AHI1: variants seen among roughly 807,000 people sequenced by gnomAD.
AHI1 encodes the protein jouberin.
A neutral mutation model predicts 149.3 loss-of-function variants in AHI1; 123 were observed. The ratio of observed to expected loss-of-function variants is 0.82; its 90% CI spans 0.71 to 0.96. The LOEUF is 0.96. AHI1 is among the 40% of genes least tolerant of loss of function. The pLI, the probability that AHI1 is intolerant of heterozygous loss-of-function variation, is 0.00. For synonymous variants in AHI1, 475 were observed against 459.8 expected, an observed-to-expected ratio of 1.03 and a Z score of -0.42; for missense variants, 1,439 against 1,422.7, an observed-to-expected ratio of 1.01 and a Z score of -0.18.
intron 27 of AHI1, among the ~76,000 whole-genome samples, chr6:135,294,159 T>C (rs909200677): frequency 6.6e-6 from 1 of 151,994 alleles, no homozygotes; most frequent in Non-Finnish European, 1.5e-5. Flanking sequence ...ACCCCATCTC[T>C]ACTAAAAATA....
At chr6:135,478,181 A>C (rs1352067615) in intron 5 of AHI1, among the ~76,000 whole-genome samples, 1 of 152,192 alleles carries the variant, frequency 6.6e-6, no homozygotes, top group Non-Finnish European at 1.5e-5. Flanking sequence ...CTATAAAGAT[A>C]CCTGAAAATG....
intron 24 of AHI1, among the ~76,000 whole-genome samples, chr6:135,335,084 C>T (rs902805344): frequency 5.3e-5 from 8 of 152,136 alleles, no homozygotes; most frequent in South Asian, 2.1e-4. Context: ...AATATAAAGT[C>T]GAATCTTAGA....
At chr6:135,489,209 GAAAGA>G (rs1040308143) in intron 5 of AHI1, among the ~76,000 whole-genome samples, 2 of 152,072 alleles carry the variant, frequency 1.3e-5, no homozygotes, top group Non-Finnish European at 2.9e-5. Flanking sequence ...ACTTATTTCT[GAAAGA>G]AAAGAAGCCT....
At chr6:135,461,055 A>G (rs1020597929) in intron 8 of AHI1, among the ~76,000 whole-genome samples, 1 of 150,974 alleles carries the variant, frequency 6.6e-6, no homozygotes, top group African/African-American at 2.5e-5. Flanking sequence ...AAGGAAAAAA[A>G]TGGATAAACT....
chr6:135,364,056 G>A (rs1186654540), intron 23 of AHI1, among the ~76,000 whole-genome samples: 1 of 151,334 alleles, frequency 6.6e-6, no homozygotes, highest in Non-Finnish European at 1.5e-5. Context: ...CAGGGCGGCT[G>A]GCCGGGCGGG....
chr6:135,458,608 G>A (rs573473926), intron 8 of AHI1, among the ~76,000 whole-genome samples: 1 of 152,256 alleles, frequency 6.6e-6, no homozygotes, highest in Non-Finnish European at 1.5e-5. Context: ...TACCAATTCT[G>A]GTCACAGTTC....
intron 5 of AHI1, among the ~76,000 whole-genome samples, chr6:135,475,004 T>C (rs868535084): frequency 6.6e-6 from 1 of 152,330 alleles, no homozygotes; most frequent in South Asian, 2.1e-4. Context: ...CATCAAATGT[T>C]TGAGAAAAGT....
chr6:135,331,719 A>G (rs577260886), intron 24 of AHI1, among the ~76,000 whole-genome samples: 1 of 152,300 alleles, frequency 6.6e-6, no homozygotes, highest in South Asian at 2.1e-4. Context: ...GCACTGAATA[A>G]ATTCACACGC....
intron 7 of AHI1, among the ~76,000 whole-genome samples, chr6:135,464,307 C>T (rs966033615): frequency 3.3e-5 from 5 of 152,242 alleles, no homozygotes; most frequent in East Asian, 1.9e-4. Context: ...CTACCCTTTG[C>T]GTGCCACTGT....
intron 20 of AHI1, among the ~76,000 whole-genome samples, chr6:135,413,984 T>C (rs1281866876): frequency 6.6e-6 from 1 of 152,118 alleles, no homozygotes; most frequent in Admixed American, 6.6e-5. Flanking sequence ...TTTGGAGAAA[T>C]TGTAAAATAA....
chr6:135,393,428 C>A (rs1271661000), intron 23 of AHI1, among the ~76,000 whole-genome samples: 2 of 152,096 alleles, frequency 1.3e-5, no homozygotes, highest in African/African-American at 4.8e-5. Context: ...TGTTCCCAGA[C>A]AGCTGGTAGG....
chr6:135,421,318 T>C (rs1047122266), intron 20 of AHI1, among the ~76,000 whole-genome samples: 5 of 151,836 alleles, frequency 3.3e-5, no homozygotes, highest in Admixed American at 1.3e-4. Context: ...TGGCTTAACA[T>C]AGAATTGCCA....
At chr6:135,484,024 T>C (rs2128126277) in intron 5 of AHI1, among the ~76,000 whole-genome samples, 1 of 151,836 alleles carries the variant, frequency 6.6e-6, no homozygotes, top group Admixed American at 6.5e-5. Context: ...AAGTTCCACA[T>C]GGCTGTGGCC....
chr6:135,452,225 A>C (rs539641037), intron 11 of AHI1, among the ~76,000 whole-genome samples: 2 of 152,268 alleles, frequency 1.3e-5, no homozygotes, highest in African/African-American at 4.8e-5. Context: ...TTTATAGATC[A>C]TATTTGTTGA....
At chr6:135,374,527 A>C (rs1425208522) in intron 23 of AHI1, among the ~76,000 whole-genome samples, 1 of 152,166 alleles carries the variant, frequency 6.6e-6, no homozygotes, top group African/African-American at 2.4e-5. Context: ...ATATCTAGTA[A>C]GTCCAAAAGA....
chr6:135,424,559 A>C (rs542581516), intron 20 of AHI1, among the ~76,000 whole-genome samples: 1 of 152,048 alleles, frequency 6.6e-6, no homozygotes, highest in Non-Finnish European at 1.5e-5. Flanking sequence ...TTTCAACATC[A>C]GGCAAATAAA....
At chr6:135,320,043 C>A (rs1272670464) in intron 25 of AHI1, among the ~76,000 whole-genome samples, 1 of 152,142 alleles carries the variant, frequency 6.6e-6, no homozygotes, top group Non-Finnish European at 1.5e-5. Context: ...AGATCAAGGA[C>A]AATTCTTCCT....
At chr6:135,490,834 T>C (rs1349873902) in intron 4 of AHI1, 87 bp from the exon 5 acceptor site, 4 of 1,473,884 alleles carry the variant, frequency 2.7e-6, no homozygotes, top group East Asian at 2.3e-5. Context: ...AATAAGTTCT[T>C]GTAAATATCG....
intron 23 of AHI1, among the ~76,000 whole-genome samples, chr6:135,374,167 G>A (rs1775551493): frequency 7.3e-6 from 1 of 137,130 alleles, no homozygotes; most frequent in Admixed American, 8.0e-5. Flanking sequence ...AGGCTGGAGT[G>A]CAGTGGCGCA....
Sources: allele counts gnomAD v4.1 joint callset (sites outside exome capture counted in the v4.1 genomes callset), GRCh38; gene constraint gnomAD v4.1.1; transcripts MANE v1.5; gene names NCBI Gene and HGNC (gene_info 2026-07-23, HGNC 2026-07-21).